Variants in SGCZ observed in about 807,000 individuals in gnomAD.
SGCZ encodes the protein sarcoglycan zeta, also known as zeta-sarcoglycan.
A neutral mutation model predicts 41.3 loss-of-function variants in SGCZ; 40 were observed. The ratio of observed to expected loss-of-function variants is 0.97; its 90% CI spans 0.75 to 1.26. The LOEUF (loss-of-function observed/expected upper bound fraction) is 1.26, where lower values mean the gene tolerates loss of function less well. Ranked by LOEUF, SGCZ falls within the 50% of genes most tolerant of loss-of-function variation. The probability of loss-of-function intolerance (pLI) is 0.00; values close to 1 mark genes in which losing one functional copy is unlikely to be tolerated. For missense variants in SGCZ, 552 were observed against 369.8 expected, an observed-to-expected ratio of 1.49 and a Z score of -4.04; for synonymous variants, 206 against 137.5, an observed-to-expected ratio of 1.50 and a Z score of -3.49.
chr8:14,592,523 T>A (rs1007138791), intron 1 of SGCZ, among the ~76,000 whole-genome samples: 4 of 152,124 alleles, frequency 2.6e-5, no homozygotes, highest in African/African-American at 9.7e-5. Context: ...TTTTTTTTCA[T>A]CAGCCTTGGT....
intron 1 of SGCZ, among the ~76,000 whole-genome samples, chr8:14,626,037 G>A (rs879916369): frequency 1.3e-5 from 2 of 152,170 alleles, no homozygotes; most frequent in African/African-American, 2.4e-5. Flanking sequence ...AGACATATGA[G>A]GAATAGTGGC....
At chr8:14,514,200 G>C (rs1181987237) in intron 2 of SGCZ, among the ~76,000 whole-genome samples, 1 of 152,034 alleles carries the variant, frequency 6.6e-6, no homozygotes, top group Non-Finnish European at 1.5e-5. Context: ...CTCTTCTGGT[G>C]TAGAGCACTG....
At chr8:15,164,947 G>A (rs1183699393) in intron 1 of SGCZ, among the ~76,000 whole-genome samples, 2 of 152,068 alleles carry the variant, frequency 1.3e-5, no homozygotes, top group Non-Finnish European at 2.9e-5. Context: ...GCCCCACCCA[G>A]CAACTGGGTT....
chr8:14,684,893 T>C (rs1425258067), intron 1 of SGCZ, among the ~76,000 whole-genome samples: 1 of 152,152 alleles, frequency 6.6e-6, no homozygotes, highest in Non-Finnish European at 1.5e-5. Context: ...CTGTTATCTG[T>C]GCAGGTCGTA....
intron 2 of SGCZ, among the ~76,000 whole-genome samples, chr8:14,547,725 T>A (rs572271015): frequency 1.3e-5 from 2 of 152,186 alleles, no homozygotes; most frequent in East Asian, 3.9e-4. Context: ...GCCAGAGAAG[T>A]TCAGTAATCA....
intron 1 of SGCZ, among the ~76,000 whole-genome samples, chr8:15,225,923 C>T (rs142224850): frequency 1.3e-5 from 2 of 152,288 alleles, no homozygotes; most frequent in African/African-American, 2.4e-5. Flanking sequence ...TTTGCAATCC[C>T]ATGCCTGCTT....
At chr8:14,405,344 T>G (rs573494833) in intron 2 of SGCZ, among the ~76,000 whole-genome samples, 19 of 147,864 alleles carry the variant, frequency 1.3e-4, no homozygotes, top group African/African-American at 4.6e-4. Flanking sequence ...TTATGTATCT[T>G]CCCCACTATT....
At chr8:14,166,486 T>C (rs1019196330) in intron 4 of SGCZ, among the ~76,000 whole-genome samples, 1 of 152,160 alleles carries the variant, frequency 6.6e-6, no homozygotes, top group Non-Finnish European at 1.5e-5. Flanking sequence ...TGACTTACTC[T>C]GAGGGACCCA....
At chr8:14,702,206 T>C (rs1809160253) in intron 1 of SGCZ, among the ~76,000 whole-genome samples, 1 of 151,996 alleles carries the variant, frequency 6.6e-6, no homozygotes, top group Non-Finnish European at 1.5e-5. Flanking sequence ...TTTCTATTTG[T>C]TGAAATGCCC....
At chr8:14,434,812 C>T (rs1800042341) in intron 2 of SGCZ, among the ~76,000 whole-genome samples, 1 of 151,942 alleles carries the variant, frequency 6.6e-6, no homozygotes, top group South Asian at 2.1e-4. Context: ...GCCTGCAGTC[C>T]CAGCTACTAT....
At chr8:14,427,548 G>T (rs560562233) in intron 2 of SGCZ, among the ~76,000 whole-genome samples, 126 of 152,078 alleles carry the variant, frequency 8.3e-4, no homozygotes, top group African/African-American at 2.9e-3. Context: ...GTCTCCCCAG[G>T]AGATTAGAAT....
At chr8:14,341,208 G>T (rs1158805839) in intron 2 of SGCZ, among the ~76,000 whole-genome samples, 1 of 152,078 alleles carries the variant, frequency 6.6e-6, no homozygotes, top group African/African-American at 2.4e-5. Flanking sequence ...ACCTTCATTT[G>T]AATATTGTGA....
chr8:14,324,286 G>C, intron 2 of SGCZ, 82 bp from the exon 3 acceptor site: 1 of 920,148 alleles, frequency 1.1e-6, no homozygotes, highest in Non-Finnish European at 1.8e-6. Flanking sequence ...CCTAAATTGA[G>C]AAAACAGTGA....
chr8:14,341,495 C>G (rs181919304), intron 2 of SGCZ, among the ~76,000 whole-genome samples: 2 of 152,080 alleles, frequency 1.3e-5, no homozygotes, highest in East Asian at 3.9e-4. Context: ...GGGGTAACAT[C>G]ATTTTGAGCT....
intron 1 of SGCZ, among the ~76,000 whole-genome samples, chr8:14,978,895 C>T (rs539654501): frequency 4.5e-4 from 69 of 152,210 alleles, no homozygotes; most frequent in African/African-American, 1.6e-3. Context: ...GCCTCCCAGG[C>T]TCAAGACATT....
intron 1 of SGCZ, among the ~76,000 whole-genome samples, chr8:14,656,328 T>G (rs897063167): frequency 4.0e-5 from 6 of 151,508 alleles, no homozygotes; most frequent in Admixed American, 2.0e-4. Flanking sequence ...TTCCTCCTCC[T>G]CTATCCCTCC....
intron 1 of SGCZ, among the ~76,000 whole-genome samples, chr8:14,590,809 A>G (rs1448439660): frequency 6.8e-6 from 1 of 148,120 alleles, no homozygotes; most frequent in Non-Finnish European, 1.5e-5. Flanking sequence ...ATATGAATAT[A>G]TGATATATAA....
intron 1 of SGCZ, among the ~76,000 whole-genome samples, chr8:14,688,149 G>C (rs1585183541): frequency 6.6e-6 from 1 of 152,112 alleles, no homozygotes; most frequent in Non-Finnish European, 1.5e-5. Context: ...TAGGTTGCCT[G>C]TTCACTCTGA....
intron 2 of SGCZ, among the ~76,000 whole-genome samples, chr8:14,505,327 A>G (rs1191002502): frequency 6.6e-6 from 1 of 152,108 alleles, no homozygotes; most frequent in Non-Finnish European, 1.5e-5. Context: ...AGGACATAAA[A>G]TGCCCCAGAG....
Sources: allele counts gnomAD v4.1 joint callset (sites outside exome capture counted in the v4.1 genomes callset), GRCh38; gene constraint gnomAD v4.1.1; transcripts MANE v1.5; gene names NCBI Gene and HGNC (gene_info 2026-07-23, HGNC 2026-07-21).